The following CCDC181 variants were observed in gnomAD, a reference collection of about 807,000 sequenced individuals.
CCDC181 encodes coiled-coil domain containing 181.
In CCDC181, 35 loss-of-function variants were observed where a neutral mutation model predicts 58.7. The ratio of observed to expected loss-of-function variants is 0.60; its 90% CI spans 0.46 to 0.79. The LOEUF (loss-of-function observed/expected upper bound fraction) is 0.79. Ranked by LOEUF, CCDC181 falls within the 30% of genes least tolerant of loss-of-function variation. The probability of loss-of-function intolerance (pLI) is 0.00; values close to 1 mark genes in which losing one functional copy is unlikely to be tolerated. For synonymous variants in CCDC181, 183 were observed against 197.5 expected (o/e 0.93, Z 0.62); for missense variants, 517 against 583.9 (o/e 0.89, Z 1.18).
chr1:169,448,997 T>C (rs1657460127), intron 2 of CCDC181, among the ~76,000 whole-genome samples: 1 of 152,170 alleles, frequency 6.6e-6, no homozygotes, highest in Non-Finnish European at 1.5e-5. Flanking sequence ...TCTCTGATTT[T>C]TAGCATTTCC....
At chr1:169,416,448 AT>A (rs938272388) in intron 4 of CCDC181, among the ~76,000 whole-genome samples, 6 of 152,074 alleles carry the variant, frequency 3.9e-5, no homozygotes, top group South Asian at 2.1e-4. Flanking sequence ...CACTCCTATT[AT>A]TTTTACCTCA....
chr1:169,400,970 G>A (rs780387399), intron 4 of CCDC181, among the ~76,000 whole-genome samples: 25 of 152,124 alleles, frequency 1.6e-4, no homozygotes, highest in African/African-American at 5.1e-4. Context: ...CTTTTCCAAC[G>A]GTCTTAGCAA....
At chr1:169,431,849 G>A (rs73049172), upstream of CCDC181, among the ~76,000 whole-genome samples, 2,060 of 152,210 alleles carry the variant, frequency 0.014, 37 homozygotes, top group African/African-American at 0.047. Context: ...AGAGGTAGCC[G>A]CCATTGTTGT....
chr1:169,414,768 T>G (rs574937810), intron 4 of CCDC181, among the ~76,000 whole-genome samples: 7 of 152,296 alleles, frequency 4.6e-5, no homozygotes, highest in East Asian at 3.9e-4. Flanking sequence ...TGACTCACAT[T>G]ATACACAATG....
intron 4 of CCDC181, among the ~76,000 whole-genome samples, chr1:169,399,104 A>C (rs1655206197): frequency 6.6e-6 from 1 of 152,192 alleles, no homozygotes; most frequent in Non-Finnish European, 1.5e-5. Flanking sequence ...CATGGTAGGA[A>C]CTTTGGATTT....
intron 2 of CCDC181, among the ~76,000 whole-genome samples, chr1:169,453,079 C>T (rs12083695): frequency 0.015 from 2,188 of 148,630 alleles, 57 homozygotes; most frequent in African/African-American, 0.051. Flanking sequence ...AGAATTGAAA[C>T]GACAAAAAAA....
intron 4 of CCDC181, among the ~76,000 whole-genome samples, chr1:169,411,016 C>T (rs7554853): frequency 0.36 from 55,045 of 151,860 alleles, 11,741 homozygotes; most frequent in Non-Finnish European, 0.48. Flanking sequence ...CAAAAGCTAG[C>T]AGAAAGCAAG....
intron 4 of CCDC181, among the ~76,000 whole-genome samples, chr1:169,415,296 C>T (rs896241816): frequency 6.6e-5 from 10 of 152,176 alleles, no homozygotes; most frequent in African/African-American, 2.4e-4. Flanking sequence ...GAAACATAAA[C>T]TCCTCTTGTC....
At chr1:169,447,319 G>A (rs1657403990) in intron 2 of CCDC181, among the ~76,000 whole-genome samples, 1 of 152,082 alleles carries the variant, frequency 6.6e-6, no homozygotes, top group African/African-American at 2.4e-5. Flanking sequence ...CGCCATGATG[G>A]CCAGATTGGT....
rs143641979 is a variant in CCDC181 at position 169,397,320 on chromosome 1, T to G, written c.1287A>C (p.Glu429Asp). 6.3e-4 allele frequency: 1,015 copies of G among 1,612,358 alleles called. 2 individuals are homozygous for G. Among genetic ancestry groups the G allele is most frequent in the Non-Finnish European group, 8.1e-4 (959 of 1,179,250 alleles). The change falls in exon 5 of 6, where the codon GAA (glutamate) becomes GAC (aspartate). Residue 429 changes from glutamate (E) to aspartate (D), a missense_variant. By Grantham distance (45) the Glu-to-Asp change is conservative. Coordinates refer to ENST00000367806, the MANE Select transcript of CCDC181 (RefSeq NM_001300969.2). ...LKKKHEEQMKERQTEELRKQE... is the reference protein window; with the variant it reads ...LKKKHEEQMKDRQTEELRKQE... ...GCTTTCTTAGTTCTTCTGTCTGTCT[T>G]TCTTTCATCTGCTCTTCGTGCTTTT...
intron 2 of CCDC181, among the ~76,000 whole-genome samples, chr1:169,445,225 G>A (rs1185012077): frequency 6.6e-6 from 1 of 152,090 alleles, no homozygotes; most frequent in Non-Finnish European, 1.5e-5. Flanking sequence ...GATCTTAGGG[G>A]GGACAAAATG....
At chr1:169,413,517 G>C (rs1489984754) in intron 4 of CCDC181, among the ~76,000 whole-genome samples, 1 of 152,076 alleles carries the variant, frequency 6.6e-6, no homozygotes, top group East Asian at 1.9e-4. Context: ...CCCATTACTG[G>C]ATTATATACC....
chr1:169,423,679 A>C (rs928353357), intron 2 of CCDC181, among the ~76,000 whole-genome samples: 1 of 152,008 alleles, frequency 6.6e-6, no homozygotes, highest in Non-Finnish European at 1.5e-5. Flanking sequence ...AGAAAATAAA[A>C]CAATAAATCA....
chr1:169,452,403 A>G (rs1192851205), intron 2 of CCDC181, among the ~76,000 whole-genome samples: 5 of 152,072 alleles, frequency 3.3e-5, no homozygotes, highest in African/African-American at 1.2e-4. Flanking sequence ...TAAATAGGAG[A>G]ACAGAAAGTA....
At chr1:169,422,347 A>G in intron 2 of CCDC181, 34 bp from the exon 3 acceptor site, 1 of 1,437,590 alleles carries the variant, frequency 7.0e-7, no homozygotes, top group Non-Finnish European at 9.4e-7. Flanking sequence ...CAAAATTGAG[A>G]TTCTTCATTT....
At position 169,422,162 on chromosome 1, in the gene CCDC181, T is replaced by C; in HGVS notation, c.269A>G (p.Gln90Arg). 2 of 1,613,808 alleles carry C rather than the reference T, an allele frequency of 1.2e-6. No individual in the cohort carries two copies. Among genetic ancestry groups the C allele is most frequent in the Non-Finnish European group, 1.7e-6 (2 of 1,179,884 alleles). Residue 90 changes from glutamine to arginine, a missense_variant, in exon 3 of 6, where the codon CAA (glutamine) becomes CGA (arginine). Gln to Arg is a conservative substitution (Grantham distance 43, BLOSUM62 1). Coordinates refer to ENST00000367806, the MANE Select transcript of CCDC181 (RefSeq NM_001300969.2). ...RNDIISVPGI[Q>R]PLDPISDSDS... ...TGAATCTGATATGGGATCCAAAGGTTGAATACCTGGTACAGAAATGATGTC... is the reference window on the plus strand; with the variant it reads ...TGAATCTGATATGGGATCCAAAGGTCGAATACCTGGTACAGAAATGATGTC...
At chr1:169,412,544 A>G (rs1656025390) in intron 4 of CCDC181, among the ~76,000 whole-genome samples, 1 of 152,082 alleles carries the variant, frequency 6.6e-6, no homozygotes, top group African/African-American at 2.4e-5. Context: ...CATATGGAAC[A>G]AAAAAAGAGC....
Position 169,424,953 on chromosome 1 carries a change from G to T in CCDC181, c.-23-3C>A, listed in dbSNP as rs1656650461. ...TTTCTGTTTGTGAAGGAAATATGCT[G>T]TAAGATTTTAAAAGATAAGGTATAT... On this transcript the variant is annotated splice_polypyrimidine_tract_variant and splice_region_variant and intron_variant, in intron 1 of 5. Transcript: ENST00000367806. 7 of 1,384,048 alleles carry T rather than the reference G, an allele frequency of 5.1e-6. No individual in the cohort carries two copies. In the East Asian group the frequency reaches 1.4e-4, roughly 27 times the overall value. 85.7% of individuals were successfully genotyped at this position (1,384,048 alleles called of 1,614,324 possible).
chr1:169,444,434 C>T (rs1657317624), intron 2 of CCDC181, among the ~76,000 whole-genome samples: 1 of 152,122 alleles, frequency 6.6e-6, no homozygotes, highest in South Asian at 2.1e-4. Context: ...ATGTAAGTGA[C>T]AGGGCCTTCA....
Sources: allele counts gnomAD v4.1 joint callset (sites outside exome capture counted in the v4.1 genomes callset), GRCh38; gene constraint gnomAD v4.1.1; transcripts MANE v1.5; gene names NCBI Gene and HGNC (gene_info 2026-07-23, HGNC 2026-07-21).